PTPN4: variants seen among roughly 807,000 people sequenced by gnomAD.
The protein encoded by PTPN4 is tyrosine-protein phosphatase non-receptor type 4.
In PTPN4, 49 loss-of-function variants were observed where a neutral mutation model predicts 135.5. The observed-to-expected ratio is 0.36, with a 90% CI of 0.29 to 0.46. The LOEUF is 0.46. Among genes scored for constraint, PTPN4 ranks in the 20% least tolerant of loss-of-function variants. PTPN4 has a pLI of 1.00. For synonymous variants in PTPN4, 333 were observed against 369.9 expected (o/e 0.90, Z 1.14); for missense variants, 860 against 1,101.0 (o/e 0.78, Z 3.10).
intron 1 of PTPN4, among the ~76,000 whole-genome samples, chr2:119,772,086 A>C (rs1367808487): frequency 6.6e-6 from 1 of 152,256 alleles, no homozygotes; most frequent in Non-Finnish European, 1.5e-5. Context: ...CATGAAAGCA[A>C]AATATCATTA....
At chr2:119,975,592 GC>G (rs1679603218) in intron 26 of PTPN4, among the ~76,000 whole-genome samples, 1 of 152,156 alleles carries the variant, frequency 6.6e-6, no homozygotes, top group Non-Finnish European at 1.5e-5. Context: ...GGGCATGATG[GC>G]AGGTGCCTGT....
intron 12 of PTPN4, among the ~76,000 whole-genome samples, chr2:119,926,295 A>C (rs1014003947): frequency 1.3e-5 from 2 of 152,162 alleles, no homozygotes; most frequent in African/African-American, 4.8e-5. Flanking sequence ...CAAATCTCCT[A>C]GTGCCAAAAC....
intron 11 of PTPN4, chr2:119,915,744 A>G (rs867172417): frequency 2.0e-5 from 3 of 152,186 alleles, no homozygotes; most frequent in African/African-American, 7.2e-5. Flanking sequence ...AAATAATTTC[A>G]TCTTGTTAAT....
chr2:119,808,098 G>A (rs761929306), intron 1 of PTPN4, among the ~76,000 whole-genome samples: 1 of 152,178 alleles, frequency 6.6e-6, no homozygotes, highest in Non-Finnish European at 1.5e-5. Context: ...AGCTATTTAT[G>A]ACAAACCCAC....
chr2:119,760,292 C>T lies in PTPN4; in HGVS notation c.-110C>T. 1 of 395,798 alleles carries T rather than the reference C, an allele frequency of 2.5e-6. No individual in the cohort carries two copies. The highest frequency in any genetic ancestry group is 4.5e-6 in the Non-Finnish European group (1 of 224,284). 24.5% of individuals were successfully genotyped at this position (395,798 alleles called of 1,614,324 possible). A position where few individuals can be genotyped will look rare whatever the true frequency, so the allele number is the denominator to read the frequency against. On this transcript the variant is annotated 5_prime_UTR_variant, in exon 1 of 27. Coordinates refer to ENST00000263708, the MANE Select transcript of PTPN4 (RefSeq NM_002830.4). ...CTCGGGGGGCGCTGAGGTAGCCCCC[C>T]GGAGCGGCACGGAGGACGCGCTTCT...
At chr2:119,764,747 G>A (rs11689203) in intron 1 of PTPN4, among the ~76,000 whole-genome samples, 13,191 of 151,392 alleles carry the variant, frequency 0.087, 715 homozygotes, top group Middle Eastern at 0.18. Flanking sequence ...TATGAATTTA[G>A]TTCATTTTTC....
At chr2:119,909,602 T>C (rs1272286210) in intron 10 of PTPN4, among the ~76,000 whole-genome samples, 4 of 152,188 alleles carry the variant, frequency 2.6e-5, no homozygotes, top group Non-Finnish European at 5.9e-5. Flanking sequence ...CTTTCAAATC[T>C]TTTTTAAGAA....
intron 1 of PTPN4, among the ~76,000 whole-genome samples, chr2:119,800,883 G>A (rs549967582): frequency 4.0e-5 from 6 of 151,622 alleles, no homozygotes; most frequent in African/African-American, 1.5e-4. Context: ...TACTTGTGTG[G>A]TAATTCTATT....
At chr2:119,783,309 T>C (rs1690980382) in intron 1 of PTPN4, among the ~76,000 whole-genome samples, 1 of 152,206 alleles carries the variant, frequency 6.6e-6, no homozygotes. Flanking sequence ...CCTTTTCCTG[T>C]TAATGTCACC....
At chr2:119,885,704 G>A (rs1678145556) in intron 8 of PTPN4, 91 bp from the exon 9 acceptor site, 1 of 900,332 alleles carries the variant, frequency 1.1e-6, no homozygotes, top group East Asian at 2.7e-5. Context: ...AGACTGCTCA[G>A]TTTTTTCAGA....
chr2:119,942,043 A>G (rs1679068704), intron 15 of PTPN4, among the ~76,000 whole-genome samples: 1 of 152,178 alleles, frequency 6.6e-6, no homozygotes, highest in African/African-American at 2.4e-5. Context: ...TAAAAATGTA[A>G]TTGTTTAACT....
intron 26 of PTPN4, among the ~76,000 whole-genome samples, chr2:119,971,147 G>T (rs1679527562): frequency 6.6e-6 from 1 of 152,172 alleles, no homozygotes; most frequent in Non-Finnish European, 1.5e-5. Flanking sequence ...TGTACAGGAA[G>T]CATGGCTGGG....
Position 119,787,559 on chromosome 2 carries a change from T to G in PTPN4, c.-17-22278T>G, listed in dbSNP as rs931065255. Among the ~76,000 whole-genome samples, 4 of 152,338 alleles carry G rather than the reference T, an allele frequency of 2.6e-5. 1 individual carries two copies. The highest frequency in any genetic ancestry group is 3.4e-3 in the Middle Eastern group (1 of 294). ...TTTTCTACTGCCTTAGCTAATAGAT[T>G]AGCTCTAGTAAGTCGTCAGTACTTA... On this transcript the variant is annotated intron_variant, in intron 1 of 26. Transcript: ENST00000263708.
chr2:119,919,823 CAAAA>C (rs768606079), intron 11 of PTPN4, among the ~76,000 whole-genome samples: 1 of 64,758 alleles, frequency 1.5e-5, no homozygotes. Flanking sequence ...GACTGTGTCT[CAAAA>C]AAAAAAAAAA....
intron 13 of PTPN4, among the ~76,000 whole-genome samples, chr2:119,927,010 A>G (rs184449517): frequency 3.8e-4 from 58 of 151,840 alleles, no homozygotes; most frequent in African/African-American, 1.3e-3. Flanking sequence ...AGCCATTTCC[A>G]TATTTATTTA....
In PTPN4 at chr2:119,956,797, T is replaced by C. The variant is rs377707174; in HGVS notation, c.1981-47T>C. ...ACAAGTCTGGTAAACAAAAGAGAAA[T>C]TGTTTATGGCTTTTGTTGGAATTGT... is the stretch of plus-strand genomic sequence containing the variant. On this transcript the variant is annotated intron_variant, in intron 20 of 26. Coordinates refer to ENST00000263708, the MANE Select transcript of PTPN4 (RefSeq NM_002830.4). 2.7e-4 allele frequency: 427 copies of C among 1,577,094 alleles called. 1 individual carries two copies. Among genetic ancestry groups the C allele is most frequent in the Non-Finnish European group, 3.6e-4 (416 of 1,171,338 alleles).
At chr2:119,778,550 G>C (rs1690880347) in intron 1 of PTPN4, among the ~76,000 whole-genome samples, 1 of 152,116 alleles carries the variant, frequency 6.6e-6, no homozygotes, top group Non-Finnish European at 1.5e-5. Flanking sequence ...GAACTCTGTA[G>C]GGCCTTAGTG....
intron 12 of PTPN4, among the ~76,000 whole-genome samples, chr2:119,922,033 C>CAAGATGAGAAA: frequency 6.6e-6 from 1 of 151,970 alleles, no homozygotes; most frequent in East Asian, 1.9e-4. Flanking sequence ...AAGTCTCAGA[C>CAAGATGAGAAA]AAGATGAGAA....
chr2:119,795,021 G>A (rs149361428), intron 1 of PTPN4, among the ~76,000 whole-genome samples: 62 of 152,180 alleles, frequency 4.1e-4, no homozygotes, highest in African/African-American at 1.1e-3. Context: ...AGCTCTCAGC[G>A]GAGAGGGTAG....
Sources: allele counts gnomAD v4.1 joint callset (sites outside exome capture counted in the v4.1 genomes callset), GRCh38; gene constraint gnomAD v4.1.1; transcripts MANE v1.5; gene names NCBI Gene and HGNC (gene_info 2026-07-23, HGNC 2026-07-21).